The following CNTN5 variants were observed in gnomAD, a reference collection of about 807,000 sequenced individuals.
CNTN5 encodes the protein contactin-5.
A neutral mutation model predicts 129.1 loss-of-function variants in CNTN5; 77 were observed. The ratio of observed to expected loss-of-function variants is 0.60; its 90% CI spans 0.50 to 0.72. CNTN5 has a LOEUF of 0.72. Among genes scored for constraint, CNTN5 ranks in the 30% least tolerant of loss-of-function variants. CNTN5 has a pLI of 0.00. For synonymous variants in CNTN5, 509 were observed against 465.6 expected (o/e 1.09, Z -1.20); for missense variants, 1,478 against 1,328.8 (o/e 1.11, Z -1.75).
intron 3 of CNTN5, among the ~76,000 whole-genome samples, chr11:99,677,982 T>C (rs956062222): frequency 2.0e-5 from 3 of 152,134 alleles, no homozygotes; most frequent in African/African-American, 7.2e-5. Context: ...TTTCCAACTA[T>C]TATGCTTCTA....
intron 2 of CNTN5, among the ~76,000 whole-genome samples, chr11:99,449,918 C>T (rs889779585): frequency 6.6e-6 from 1 of 152,094 alleles, no homozygotes; most frequent in Non-Finnish European, 1.5e-5. Flanking sequence ...ATTTTTTGCT[C>T]TACATTATTC....
At chr11:99,584,940 G>GT (rs35817265) in intron 3 of CNTN5, among the ~76,000 whole-genome samples, 99,978 of 152,024 alleles carry the variant, frequency 0.66, 37,096 homozygotes, top group Non-Finnish European at 0.81. Flanking sequence ...AACAAGATCT[G>GT]TTGCCAATGG....
intron 3 of CNTN5, among the ~76,000 whole-genome samples, chr11:99,760,963 G>A (rs1197033033): frequency 1.3e-5 from 2 of 152,036 alleles, no homozygotes; most frequent in African/African-American, 4.8e-5. Context: ...TAATGATGTG[G>A]GTTATTTGTT....
chr11:99,492,726 C>G (rs1465893618), intron 2 of CNTN5, among the ~76,000 whole-genome samples: 1 of 152,000 alleles, frequency 6.6e-6, no homozygotes, highest in Non-Finnish European at 1.5e-5. Context: ...TTACATGACA[C>G]AGGTTATTCA....
intron 9 of CNTN5, among the ~76,000 whole-genome samples, chr11:100,008,871 G>A (rs189999245): frequency 1.1e-4 from 16 of 152,098 alleles, no homozygotes; most frequent in South Asian, 2.1e-4. Flanking sequence ...CATTCAAACC[G>A]TGTTAGAATA....
chr11:99,044,930 C>T (rs938847323), intron 1 of CNTN5, among the ~76,000 whole-genome samples: 1 of 152,182 alleles, frequency 6.6e-6, no homozygotes, highest in African/African-American at 2.4e-5. Context: ...ACCACTTACT[C>T]TCCTGGTGTA....
chr11:100,088,712 C>A (rs188218987), intron 13 of CNTN5, among the ~76,000 whole-genome samples: 1 of 151,986 alleles, frequency 6.6e-6, no homozygotes, highest in Non-Finnish European at 1.5e-5. Flanking sequence ...CTGAACAGAC[C>A]AGTATCCAGT....
intron 6 of CNTN5, among the ~76,000 whole-genome samples, chr11:99,847,003 C>CT (rs1947720605): frequency 6.6e-6 from 1 of 152,130 alleles, no homozygotes; most frequent in Non-Finnish European, 1.5e-5. Flanking sequence ...GCCTAATAAA[C>CT]TAAATAAATA....
chr11:99,523,416 G>T (rs989588739), intron 2 of CNTN5, among the ~76,000 whole-genome samples: 1 of 151,954 alleles, frequency 6.6e-6, no homozygotes, highest in East Asian at 1.9e-4. Context: ...GCGACGTGGC[G>T]AAACCCCATC....
At chr11:99,835,875 T>G (rs1180191292) in intron 4 of CNTN5, among the ~76,000 whole-genome samples, 1 of 152,184 alleles carries the variant, frequency 6.6e-6, no homozygotes, top group Non-Finnish European at 1.5e-5. Flanking sequence ...GAAGATGGTT[T>G]ATCAGCAAGA....
chr11:99,109,520 T>C (rs1365653758), intron 1 of CNTN5, among the ~76,000 whole-genome samples: 1 of 152,142 alleles, frequency 6.6e-6, no homozygotes, highest in Non-Finnish European at 1.5e-5. Context: ...TGCAACTGCC[T>C]CTTTAAACCA....
chr11:99,861,349 C>T (rs143215739), intron 6 of CNTN5, among the ~76,000 whole-genome samples: 39 of 152,120 alleles, frequency 2.6e-4, no homozygotes, highest in African/African-American at 8.9e-4. Flanking sequence ...AGATGTATTC[C>T]GAAGTATTTT....
At chr11:99,764,113 G>A (rs1944675754) in intron 3 of CNTN5, among the ~76,000 whole-genome samples, 1 of 151,954 alleles carries the variant, frequency 6.6e-6, no homozygotes, top group South Asian at 2.1e-4. Flanking sequence ...ATATGTGATA[G>A]TATATATGAT....
chr11:99,956,688 A>G, intron 7 of CNTN5, 118 bp from the exon 8 acceptor site: 1 of 663,282 alleles, frequency 1.5e-6, no homozygotes, highest in Non-Finnish European at 2.6e-6. Flanking sequence ...AGATACATGG[A>G]TCAAATATGT....
chr11:99,122,860 T>C (rs963032347), intron 1 of CNTN5, among the ~76,000 whole-genome samples: 15 of 152,194 alleles, frequency 9.9e-5, no homozygotes, highest in Non-Finnish European at 1.2e-4. Flanking sequence ...TCCATGTTGC[T>C]GCAAAGGACA....
intron 7 of CNTN5, among the ~76,000 whole-genome samples, chr11:99,917,108 C>A (rs961530124): frequency 6.6e-6 from 1 of 151,974 alleles, no homozygotes; most frequent in Non-Finnish European, 1.5e-5. Context: ...TCTGATCCCC[C>A]TTCTATATTT....
chr11:100,346,203 T>C (rs1952274504), intron 23 of CNTN5, among the ~76,000 whole-genome samples: 1 of 152,284 alleles, frequency 6.6e-6, no homozygotes, highest in Non-Finnish European at 1.5e-5. Context: ...ATTTTATTTT[T>C]ACAACTCCTA....
chr11:99,784,252 G>C (rs540410702), intron 3 of CNTN5, among the ~76,000 whole-genome samples: 1 of 151,922 alleles, frequency 6.6e-6, no homozygotes, highest in Admixed American at 6.6e-5. Context: ...CCATCAACCC[G>C]TCATCTACAT....
chr11:100,198,449 C>T (rs2138537145), intron 15 of CNTN5, among the ~76,000 whole-genome samples: 1 of 151,852 alleles, frequency 6.6e-6, no homozygotes, highest in South Asian at 2.1e-4. Flanking sequence ...CTCACTGATT[C>T]CTCTTAACAG....
Sources: gnomAD v4.1 joint callset for allele counts (sites outside exome capture counted in the v4.1 genomes callset) on GRCh38, gnomAD v4.1.1 for gene constraint, MANE v1.5 for transcripts, NCBI Gene and HGNC (gene_info 2026-07-23, HGNC 2026-07-21) for gene names.